RNF144B: variants seen among roughly 807,000 people sequenced by gnomAD.
RNF144B encodes E3 ubiquitin-protein ligase RNF144B.
RNF144B carries 25 observed loss-of-function variants against 40.2 expected under a neutral mutation model. The observed-to-expected ratio is 0.62, with a 90% CI of 0.45 to 0.87. RNF144B has a LOEUF of 0.87. RNF144B is among the 40% of genes least tolerant of loss of function. The pLI is 0.00. For synonymous variants in RNF144B, 145 were observed against 136.3 expected (o/e 1.06, Z -0.44); for missense variants, 365 against 373.7 (o/e 0.98, Z 0.19).
At chr6:18,399,442 G>A (rs564237612) in intron 1 of RNF144B, 57 bp from the exon 2 acceptor site, 1 of 1,275,682 alleles carries the variant, frequency 7.8e-7, no homozygotes, top group Non-Finnish European at 1.1e-6. Context: ...AGACGTGTTG[G>A]CTAAACAATA....
At chr6:18,411,872 G>C (rs1795054509) in intron 2 of RNF144B, among the ~76,000 whole-genome samples, 1 of 152,098 alleles carries the variant, frequency 6.6e-6, no homozygotes, top group South Asian at 2.1e-4. Flanking sequence ...TTTAACTACA[G>C]ATACTTTTAA....
In RNF144B at chr6:18,448,688, G is replaced by GCACACACA. The variant is rs61128858; in HGVS notation, c.332-8445_332-8438dup. ...TCCATTTTATTTTGAAAGCCAGCAT[G>GCACACACA]CACACACACACACACACACACACAC... On this transcript the variant is annotated intron_variant, in intron 4 of 7. Transcript: ENST00000259939. This position sits in a 1 kb window ranked among gnomAD's most constrained non-coding sequence, Gnocchi z 4.0. Among the ~76,000 whole-genome samples the GCACACACA allele has an allele frequency of 0.014, 1,959 of 144,586 alleles. 27 individuals are homozygous for GCACACACA. The highest frequency in any genetic ancestry group is 0.037 in the Middle Eastern group (10 of 272). 94.9% of individuals were successfully genotyped at this position (144,586 alleles called of 152,430 possible). A position where few individuals can be genotyped will look rare whatever the true frequency, so the allele number is the denominator to read the frequency against.
At chr6:18,415,677 C>A (rs1048140189) in intron 2 of RNF144B, among the ~76,000 whole-genome samples, 3 of 152,034 alleles carry the variant, frequency 2.0e-5, no homozygotes, top group Admixed American at 6.6e-5. Flanking sequence ...AGCCTGCTGT[C>A]CTTTGCATGG....
In RNF144B at chr6:18,414,892, A is replaced by G. The variant is rs904067405; in HGVS notation, c.166-12689A>G. Among the ~76,000 whole-genome samples, 1 of 152,284 alleles carries G rather than the reference A, an allele frequency of 6.6e-6. No individual in the cohort carries two copies. Among genetic ancestry groups the G allele is most frequent in the East Asian group, 1.9e-4 (1 of 5,178 alleles). ...AAACAAGATAAAGATTTTTACAACA[A>G]ATACCTGTAGAGTTATCCCTTGGTA... On this transcript the variant is annotated intron_variant, in intron 2 of 7. Coordinates refer to ENST00000259939, the MANE Select transcript of RNF144B (RefSeq NM_182757.4). This position sits in a 1 kb window ranked among gnomAD's most constrained non-coding sequence, Gnocchi z 4.9.
rs759036121 is a variant in RNF144B at position 18,457,397 on chromosome 6, G to C, written c.536+38G>C. ...ACTTTGTCTTTGGGATTATTCACTA[G>C]TTTTCTTAGAAATTCAACATACCTT... On this transcript the variant is annotated intron_variant, in intron 5 of 7. Transcript: ENST00000259939. The surrounding 1 kb of genome is among the most constrained non-coding windows in gnomAD (Gnocchi z 5.1). 1.1e-5 allele frequency: 17 copies of C among 1,501,386 alleles called. 1 individual carries two copies. Among genetic ancestry groups the C allele is most frequent in the East Asian group, 2.3e-5 (1 of 44,334 alleles). The allele number at this position is 1,501,386 out of a possible 1,614,324, so 93.0% of individuals were successfully genotyped here.
In RNF144B at chr6:18,412,263, A is replaced by G. The variant is rs1017946256; in HGVS notation, c.165+12564A>G. On this transcript the variant is annotated intron_variant, in intron 2 of 7. Coordinates refer to ENST00000259939, the MANE Select transcript of RNF144B (RefSeq NM_182757.4). This position sits in a 1 kb window ranked among gnomAD's most constrained non-coding sequence, Gnocchi z 4.2. ...CTTTTGACACTCCGGGTATTTTCCA[A>G]CTTTTCACCTTCTGTAATCTGGTAT... is the stretch of plus-strand genomic sequence containing the variant. 2.0e-5 allele frequency among the ~76,000 whole-genome samples: 3 copies of G among 152,202 alleles called. No individual in the cohort carries two copies. Among genetic ancestry groups the G allele is most frequent in the Non-Finnish European group, 4.4e-5 (3 of 68,040 alleles).
rs573234477 is a variant in RNF144B at position 18,434,746 on chromosome 6, T to C, written c.271-4938T>C. Among the ~76,000 whole-genome samples, 95 of 152,194 alleles carry C rather than the reference T, an allele frequency of 6.2e-4. No individual in the cohort carries two copies. The highest frequency in any genetic ancestry group is 3.4e-3 in the Middle Eastern group (1 of 294). ...ATGCCATTCTGCTGCCTCAGCCTCC[T>C]GAGTAGCTGGGACTACAGGCGCCTG... On this transcript the variant is annotated intron_variant, in intron 3 of 7. Coordinates refer to ENST00000259939, the MANE Select transcript of RNF144B (RefSeq NM_182757.4). The surrounding 1 kb of genome is among the most constrained non-coding windows in gnomAD (Gnocchi z 4.1).
At chr6:18,451,440 A>G (rs550215882) in intron 4 of RNF144B, among the ~76,000 whole-genome samples, 4 of 152,348 alleles carry the variant, frequency 2.6e-5, no homozygotes, top group South Asian at 2.1e-4. Flanking sequence ...GTAAATAAGT[A>G]TGAAAGAAAC....
In RNF144B at chr6:18,467,419, T is replaced by TTTG. The variant is rs1364753612; in HGVS notation, c.*2352_*2353insTTG. The TTTG allele has an allele frequency of 4.0e-5, 6 of 150,558 alleles. No individual in the cohort carries two copies. The highest frequency in any genetic ancestry group is 6.6e-5 in the Admixed American group (1 of 15,048). 9.3% of individuals were successfully genotyped at this position (150,558 alleles called of 1,614,324 possible). On this transcript the variant is annotated 3_prime_UTR_variant, in exon 8 of 8. Coordinates refer to ENST00000259939, the MANE Select transcript of RNF144B (RefSeq NM_182757.4). Reference sequence around the variant, plus strand: ...GCTTTTGTTTTTTTTTTTTTTTTTTTGCCAGGGCTATGGAGTGGGGGTTGT... The same window carrying TTTG: ...GCTTTTGTTTTTTTTTTTTTTTTTTTTTGGCCAGGGCTATGGAGTGGGGGTTGT...
chr6:18,415,379 G>A (rs936944418), intron 2 of RNF144B, among the ~76,000 whole-genome samples: 3 of 152,172 alleles, frequency 2.0e-5, no homozygotes, highest in African/African-American at 4.8e-5. Flanking sequence ...CGTGATGGCG[G>A]CTCTCTGCTT....
rs1158150605 is a variant in RNF144B, at chr6:18,419,146, A to G, written c.166-8435A>G. On this transcript the variant is annotated intron_variant, in intron 2 of 7. Coordinates refer to ENST00000259939, the MANE Select transcript of RNF144B (RefSeq NM_182757.4). This position sits in a 1 kb window ranked among gnomAD's most constrained non-coding sequence, Gnocchi z 4.6. ...GTTTGAGAAACATTGTCAGTAAGGT[A>G]GTTGAATAGTAAGGCAGGCGAATGT... Among the ~76,000 whole-genome samples the G allele has an allele frequency of 6.6e-6, 1 of 152,200 alleles. No homozygotes were observed. Among genetic ancestry groups the G allele is most frequent in the Non-Finnish European group, 1.5e-5 (1 of 68,036 alleles).
At chr6:18,404,685 C>G (rs1794860063) in intron 2 of RNF144B, among the ~76,000 whole-genome samples, 1 of 151,592 alleles carries the variant, frequency 6.6e-6, no homozygotes, top group Non-Finnish European at 1.5e-5. Context: ...AACTAAATAT[C>G]TAGAATTAGG....
chr6:18,432,176 A>G (rs923534025), intron 3 of RNF144B, among the ~76,000 whole-genome samples: 1 of 152,232 alleles, frequency 6.6e-6, no homozygotes, highest in African/African-American at 2.4e-5. Context: ...TGCATAAGTT[A>G]TATTTTAGTA....
chr6:18,400,977 C>T lies in RNF144B; in HGVS notation c.165+1278C>T, dbSNP rs561307770. Among the ~76,000 whole-genome samples the T allele has an allele frequency of 6.6e-6, 1 of 152,240 alleles. No homozygotes were observed. Among genetic ancestry groups the T allele is most frequent in the Admixed American group, 6.5e-5 (1 of 15,284 alleles). ...GTCATCTCAGAGCAACTTCAGTTTC[C>T]TTTGGTCTTGCTTTGTTTCTGAAGG... is the stretch of plus-strand genomic sequence containing the variant. On this transcript the variant is annotated intron_variant, in intron 2 of 7. Transcript: ENST00000259939. This position sits in a 1 kb window ranked among gnomAD's most constrained non-coding sequence, Gnocchi z 5.6.
intron 1 of RNF144B, among the ~76,000 whole-genome samples, chr6:18,387,910 C>T (rs1161036535): frequency 6.6e-6 from 1 of 152,076 alleles, no homozygotes. Flanking sequence ...CAGACCTCTC[C>T]CTAGGTCTTA....
chr6:18,443,396 G>A lies in RNF144B; in HGVS notation c.331+3652G>A, dbSNP rs749007691. Among the ~76,000 whole-genome samples the A allele has an allele frequency of 3.3e-5, 5 of 152,050 alleles. No individual in the cohort carries two copies. Among genetic ancestry groups the A allele is most frequent in the Non-Finnish European group, 7.4e-5 (5 of 68,012 alleles). ...TCCTGCCTCAGCCTCCCGAGTAGAT[G>A]GGATTACAGGTGCCTGCCACCACAC... On this transcript the variant is annotated intron_variant, in intron 4 of 7. Transcript: ENST00000259939. This position sits in a 1 kb window ranked among gnomAD's most constrained non-coding sequence, Gnocchi z 4.7.
chr6:18,454,351 T>C (rs959705473), intron 4 of RNF144B, among the ~76,000 whole-genome samples: 2 of 152,216 alleles, frequency 1.3e-5, no homozygotes, highest in Admixed American at 1.3e-4. Context: ...TAAGGAAGGT[T>C]CAAGGGGGTT....
In RNF144B at chr6:18,446,046, T is replaced by A. The variant is rs868175168; in HGVS notation, c.331+6302T>A. ...GTGAGAAGAGAATGAGAAGAACAGC[T>A]CTTCATGTGATAGCAATCTGACTTC... is the stretch of plus-strand genomic sequence containing the variant. On this transcript the variant is annotated intron_variant, in intron 4 of 7. Coordinates refer to ENST00000259939, the MANE Select transcript of RNF144B (RefSeq NM_182757.4). The surrounding 1 kb of genome is among the most constrained non-coding windows in gnomAD (Gnocchi z 4.7). 1.1e-4 allele frequency among the ~76,000 whole-genome samples: 17 copies of A among 152,150 alleles called. No homozygotes were observed. The highest frequency in any genetic ancestry group is 7.2e-4 in the Admixed American group (11 of 15,280).
chr6:18,434,642 G>T lies in RNF144B; in HGVS notation c.271-5042G>T, dbSNP rs1269256967. ...TTTGTTTTGTTTGTTTGTTTTTTTA[G>T]ACAGAGTCTTGCTCTGTCGCCCAGG... On this transcript the variant is annotated intron_variant, in intron 3 of 7. Coordinates refer to ENST00000259939, the MANE Select transcript of RNF144B (RefSeq NM_182757.4). This position sits in a 1 kb window ranked among gnomAD's most constrained non-coding sequence, Gnocchi z 4.1. Among the ~76,000 whole-genome samples the T allele has an allele frequency of 6.9e-6, 1 of 144,312 alleles. No individual in the cohort carries two copies. Among genetic ancestry groups the T allele is most frequent in the Non-Finnish European group, 1.6e-5 (1 of 63,944 alleles). 94.7% of individuals were successfully genotyped at this position (144,312 alleles called of 152,430 possible).
Sources: gnomAD v4.1 joint callset for allele counts (sites outside exome capture counted in the v4.1 genomes callset) on GRCh38, gnomAD v4.1.1 for gene constraint, Gnocchi (gnomAD v3.1) non-coding constraint, MANE v1.5 for transcripts, NCBI Gene and HGNC (gene_info 2026-07-23, HGNC 2026-07-21) for gene names.